Variants in STK3 observed in about 807,000 individuals in gnomAD.
STK3 encodes the protein serine/threonine-protein kinase 3.
A neutral mutation model predicts 58.0 loss-of-function variants in STK3; 41 were observed. That is an observed-to-expected ratio of 0.71 (90% confidence interval 0.55 to 0.92). STK3 has a LOEUF of 0.92. STK3 is among the 40% of genes least tolerant of loss of function. The pLI, the probability that STK3 is intolerant of heterozygous loss-of-function variation, is 0.00. For missense variants in STK3, 479 were observed against 602.7 expected, an observed-to-expected ratio of 0.79 and a Z score of 2.15; for synonymous variants, 170 against 191.0, an observed-to-expected ratio of 0.89 and a Z score of 0.91.
intron 1 of STK3, among the ~76,000 whole-genome samples, chr8:98,803,243 AAAAG>A (rs1323667088): frequency 1.3e-5 from 2 of 152,196 alleles, no homozygotes; most frequent in Non-Finnish European, 2.9e-5. Context: ...ATACACTGAA[AAAAG>A]AAAGGCCTCT....
chr8:98,418,483 A>T (rs1433774904), intron 3 of STK3, among the ~76,000 whole-genome samples: 1 of 152,178 alleles, frequency 6.6e-6, no homozygotes, highest in African/African-American at 2.4e-5. Context: ...GGATGGATGG[A>T]TGGATCGATG....
chr8:98,579,760 T>A lies in STK3; in HGVS notation c.852A>T (p.Val284=). 6.3e-7 allele frequency: 1 copy of A among 1,595,032 alleles called. No individual in the cohort carries two copies. Among genetic ancestry groups the A allele is most frequent in the Non-Finnish European group, 8.5e-7 (1 of 1,174,542 alleles). Residue 284 remains valine, a synonymous_variant, in exon 8 of 11, where the codon GTA becomes GTT. Coordinates refer to ENST00000419617, the MANE Select transcript of STK3 (RefSeq NM_006281.4). ...QHPFIKNAKP[V]SILRDLITEA... ...CTGTGATCAGGTCTCTTAATATTGA[T>A]ACAGGTTTGGCATTCTTGATAAAAG...
At chr8:98,360,152 G>T in the STK3 span, among the ~76,000 whole-genome samples, 64 of 152,232 alleles carry the variant, frequency 4.2e-4, 1 homozygote, top group South Asian at 0.012. Context: ...AATACCTGGG[G>T]GTTCCCCTTT....
intron 6 of STK3, among the ~76,000 whole-genome samples, chr8:98,637,389 T>C (rs956466793): frequency 6.6e-6 from 1 of 151,998 alleles, no homozygotes; most frequent in Non-Finnish European, 1.5e-5. Context: ...ATGGGCCAAT[T>C]AGTTTAAAAA....
At chr8:98,714,697 G>A (rs560573760) in intron 4 of STK3, among the ~76,000 whole-genome samples, 1 of 152,240 alleles carries the variant, frequency 6.6e-6, no homozygotes, top group East Asian at 1.9e-4. Flanking sequence ...CGTGAAAATG[G>A]CCATACTGTC....
At chr8:98,832,255 A>AATAT (rs200491639) in intron 3 of STK3, among the ~76,000 whole-genome samples, 3 of 138,890 alleles carry the variant, frequency 2.2e-5, no homozygotes, top group African/African-American at 5.2e-5. Flanking sequence ...AAAAAAAAAA[A>AATAT]ATATATATAT....
At chr8:98,896,871 C>T (rs928102493) in intron 1 of STK3, among the ~76,000 whole-genome samples, 8 of 151,830 alleles carry the variant, frequency 5.3e-5, no homozygotes, top group Non-Finnish European at 7.4e-5. Flanking sequence ...CCTAGCTACT[C>T]GGGAGGCTGA....
chr8:98,793,642 A>G (rs1207176192), intron 1 of STK3, among the ~76,000 whole-genome samples: 2 of 152,240 alleles, frequency 1.3e-5, no homozygotes, highest in Non-Finnish European at 2.9e-5. Context: ...CCACTGAGGC[A>G]GAAAACTAAC....
intron 9 of STK3, among the ~76,000 whole-genome samples, chr8:98,541,930 GA>G (rs1408737958): frequency 6.6e-6 from 1 of 152,168 alleles, no homozygotes; most frequent in Non-Finnish European, 1.5e-5. Context: ...TCCTGCCCAA[GA>G]GGGACATTGA....
At chr8:98,448,151 T>C (rs1397531343) in intron 1 of STK3, among the ~76,000 whole-genome samples, 1 of 152,098 alleles carries the variant, frequency 6.6e-6, no homozygotes, top group African/African-American at 2.4e-5. Context: ...CTTTTAAAGG[T>C]CCATTTCATT....
At chr8:98,755,805 G>T (rs1419597924) in intron 3 of STK3, among the ~76,000 whole-genome samples, 2 of 152,078 alleles carry the variant, frequency 1.3e-5, no homozygotes, top group African/African-American at 4.8e-5. Context: ...AATCTGTCTC[G>T]CTTTCCATTT....
At chr8:98,653,296 C>T (rs913235645) in intron 6 of STK3, among the ~76,000 whole-genome samples, 63 of 152,112 alleles carry the variant, frequency 4.1e-4, no homozygotes, top group African/African-American at 1.5e-3. Context: ...AGAACAAAGA[C>T]ACAACATACC....
At chr8:98,360,764 AG>A in the STK3 span, among the ~76,000 whole-genome samples, 728 of 152,334 alleles carry the variant, frequency 4.8e-3, 10 homozygotes, top group Admixed American at 0.03. Context: ...TAAATGTCAA[AG>A]TAAAGTAGTC....
chr8:98,534,283 A>T (rs1229731112), intron 9 of STK3, among the ~76,000 whole-genome samples: 1 of 152,214 alleles, frequency 6.6e-6, no homozygotes, highest in Non-Finnish European at 1.5e-5. Context: ...CCCACTGTAA[A>T]GATATTGAGA....
chr8:98,597,003 G>A (rs1815883290), intron 6 of STK3, among the ~76,000 whole-genome samples: 1 of 152,124 alleles, frequency 6.6e-6, no homozygotes, highest in Non-Finnish European at 1.5e-5. Flanking sequence ...AGTATCTACA[G>A]GAATGAAATG....
In STK3 at chr8:98,570,340, T is replaced by C. The variant is rs185398701; in HGVS notation, c.948+9324A>G. Among the ~76,000 whole-genome samples, 1,391 of 151,528 alleles carry C rather than the reference T, an allele frequency of 9.2e-3. 18 individuals are homozygous for C. The highest frequency in any genetic ancestry group is 0.032 in the African/African-American group (1,313 of 41,364). On this transcript the variant is annotated intron_variant, in intron 8 of 10. Coordinates refer to ENST00000419617, the MANE Select transcript of STK3 (RefSeq NM_006281.4). ...TTTTTTTGTAGAGACAGGGTTTCAC[T>C]ATGTTGCCCAGGCTGGTCTTGAACA...
intron 6 of STK3, among the ~76,000 whole-genome samples, chr8:98,602,667 G>A (rs1267552383): frequency 1.3e-5 from 2 of 152,140 alleles, no homozygotes; most frequent in Non-Finnish European, 2.9e-5. Flanking sequence ...TATGGTAACT[G>A]AACATACTGA....
intron 3 of STK3, among the ~76,000 whole-genome samples, chr8:98,878,454 T>C (rs1455252785): frequency 1.1e-4 from 17 of 152,212 alleles, no homozygotes; most frequent in Admixed American, 1.1e-3. Flanking sequence ...TTCAATCACC[T>C]GCACCACCCT....
chr8:98,647,755 C>T (rs1344860891), intron 6 of STK3, among the ~76,000 whole-genome samples: 2 of 152,182 alleles, frequency 1.3e-5, no homozygotes, highest in African/African-American at 2.4e-5. Context: ...AATCCTCCCA[C>T]CTAGGCCTCC....
Sources: gnomAD v4.1 joint callset for allele counts (sites outside exome capture counted in the v4.1 genomes callset) on GRCh38, gnomAD v4.1.1 for gene constraint, MANE v1.5 for transcripts, NCBI Gene and HGNC (gene_info 2026-07-23, HGNC 2026-07-21) for gene names.